RUNX2: variants seen among roughly 807,000 people sequenced by gnomAD.
The protein encoded by RUNX2 is RUNX family transcription factor 2.
RUNX2 carries 10 observed loss-of-function variants against 51.7 expected under a neutral mutation model. The ratio of observed to expected loss-of-function variants is 0.19; its 90% confidence interval spans 0.12 to 0.33. The LOEUF (loss-of-function observed/expected upper bound fraction) is 0.33. RUNX2 is among the 10% of genes least tolerant of loss of function. RUNX2 has a pLI of 1.00. For missense variants in RUNX2, 562 were observed against 691.3 expected (o/e 0.81, Z 2.10); for synonymous variants, 276 against 273.6 (o/e 1.01, Z -0.09).
chr6:45,522,749 A>C (rs1801546405), intron 7 of RUNX2, among the ~76,000 whole-genome samples: 1 of 152,192 alleles, frequency 6.6e-6, no homozygotes, highest in African/African-American at 2.4e-5. Context: ...CAGCATGCAT[A>C]ATGTCGTGGG....
intron 6 of RUNX2, among the ~76,000 whole-genome samples, chr6:45,507,828 A>C (rs1563116363): frequency 6.6e-6 from 1 of 152,222 alleles, no homozygotes; most frequent in Non-Finnish European, 1.5e-5. Flanking sequence ...TGCCAGAAAA[A>C]GAGGTCAAGG....
At chr6:45,447,891 G>A (rs1563091460) in intron 5 of RUNX2, among the ~76,000 whole-genome samples, 1 of 152,154 alleles carries the variant, frequency 6.6e-6, no homozygotes, top group Non-Finnish European at 1.5e-5. Context: ...TGTGTTAGCT[G>A]CTGCCAACAT....
intron 7 of RUNX2, among the ~76,000 whole-genome samples, chr6:45,519,790 ATGTG>A (rs35210688): frequency 0.12 from 14,682 of 123,386 alleles, 887 homozygotes; most frequent in Non-Finnish European, 0.14. Flanking sequence ...ATATATATAT[ATGTG>A]TGTGTGTGTG....
At chr6:45,411,393 G>A (rs1797947648) in intron 2 of RUNX2, among the ~76,000 whole-genome samples, 1 of 151,870 alleles carries the variant, frequency 6.6e-6, no homozygotes, top group Admixed American at 6.6e-5. Flanking sequence ...TTTTAACACT[G>A]ACAATAAGAA....
At chr6:45,529,984 G>C (rs1393523138) in intron 7 of RUNX2, among the ~76,000 whole-genome samples, 1 of 152,198 alleles carries the variant, frequency 6.6e-6, no homozygotes, top group African/African-American at 2.4e-5. Context: ...GCACAGGTGG[G>C]TTAGGAGATA....
At chr6:45,432,636 G>T (rs1798573556) in intron 4 of RUNX2, among the ~76,000 whole-genome samples, 3 of 152,248 alleles carry the variant, frequency 2.0e-5, no homozygotes, top group African/African-American at 7.2e-5. Flanking sequence ...TCCATACTAT[G>T]TAAGGATTCC....
chr6:45,481,203 A>G (rs1800103448), intron 5 of RUNX2, among the ~76,000 whole-genome samples: 1 of 152,226 alleles, frequency 6.6e-6, no homozygotes, highest in Non-Finnish European at 1.5e-5. Context: ...AAATTGAGCC[A>G]GGATCCAGGA....
At chr6:45,424,186 A>G (rs1342999816) in intron 3 of RUNX2, among the ~76,000 whole-genome samples, 1 of 152,086 alleles carries the variant, frequency 6.6e-6, no homozygotes, top group Non-Finnish European at 1.5e-5. Context: ...AGTCGCAGGC[A>G]GGTGCTCCGC....
At chr6:45,375,233 T>C (rs1376981403) in intron 2 of RUNX2, among the ~76,000 whole-genome samples, 1 of 152,130 alleles carries the variant, frequency 6.6e-6, no homozygotes, top group Non-Finnish European at 1.5e-5. Context: ...TTTCTGATAT[T>C]GCAATGTGGT....
chr6:45,354,630 TACACACACACACACAC>T (rs35189031), intron 2 of RUNX2, among the ~76,000 whole-genome samples: 1 of 149,812 alleles, frequency 6.7e-6, no homozygotes, highest in African/African-American at 2.5e-5. Context: ...CACGCACACA[TACACACACACACACAC>T]ACACACAGTC....
At chr6:45,423,032 G>T (rs1012321362) in intron 3 of RUNX2, 75 bp downstream of exon 3, 9 of 1,564,716 alleles carry the variant, frequency 5.8e-6, no homozygotes, top group South Asian at 2.3e-5. Context: ...CTGCCCACGG[G>T]GCTGGGCCCC....
chr6:45,349,071 C>T (rs1014120232), intron 2 of RUNX2, among the ~76,000 whole-genome samples: 6 of 152,038 alleles, frequency 3.9e-5, no homozygotes, highest in Non-Finnish European at 7.4e-5. Flanking sequence ...TCTGTCATTA[C>T]GTAAATCAGT....
intron 5 of RUNX2, among the ~76,000 whole-genome samples, chr6:45,467,612 CGCCCCCAGCCACTCATCT>C (rs1799672247): frequency 6.6e-6 from 1 of 152,030 alleles, no homozygotes; most frequent in African/African-American, 2.4e-5. Context: ...CCACCCCCAC[CGCCCCCAGCCACTCATCT>C]ACCTCCTACA....
At chr6:45,541,040 G>A (rs1802208778) in intron 7 of RUNX2, among the ~76,000 whole-genome samples, 1 of 152,198 alleles carries the variant, frequency 6.6e-6, no homozygotes, top group Non-Finnish European at 1.5e-5. Context: ...TAGGTTTGAT[G>A]TCAGCATTGC....
chr6:45,458,149 C>G (rs1799372040), intron 5 of RUNX2, among the ~76,000 whole-genome samples: 1 of 151,966 alleles, frequency 6.6e-6, no homozygotes, highest in South Asian at 2.1e-4. Flanking sequence ...GCCTCAGCCT[C>G]CTGAGTAGCT....
At position 45,432,170 on chromosome 6, in the gene RUNX2, G is replaced by A. The variant is rs1320391478; in HGVS notation, c.580+151G>A. On this transcript the variant is annotated intron_variant, in intron 4 of 8. Transcript: ENST00000647337. ...TAAATACATCCAGATGAAGTTGAGT[G>A]TTTTTCTGAGTACTCAGGCCTTTTT... 12 of 783,166 alleles carry A rather than the reference G, an allele frequency of 1.5e-5. No homozygotes were observed. The African/African-American group carries it at 1.7e-4, about 11-fold the overall frequency. 48.5% of individuals were successfully genotyped at this position (783,166 alleles called of 1,614,324 possible).
intron 2 of RUNX2, among the ~76,000 whole-genome samples, chr6:45,331,149 G>C (rs1029054042): frequency 6.6e-6 from 1 of 151,884 alleles, no homozygotes; most frequent in Non-Finnish European, 1.5e-5. Context: ...GCACATGCTA[G>C]AGAAAGAGTA....
intron 5 of RUNX2, among the ~76,000 whole-genome samples, chr6:45,453,117 C>T (rs144033773): frequency 6.6e-6 from 1 of 152,106 alleles, no homozygotes; most frequent in East Asian, 1.9e-4. Flanking sequence ...ACCCCTCCCC[C>T]CAAGATGATT....
chr6:45,385,764 G>T (rs1797334750), intron 2 of RUNX2, among the ~76,000 whole-genome samples: 1 of 152,116 alleles, frequency 6.6e-6, no homozygotes, highest in Non-Finnish European at 1.5e-5. Flanking sequence ...GCTGGGCATG[G>T]TTGTGCATGC....
Sources: gnomAD v4.1 joint callset for allele counts (sites outside exome capture counted in the v4.1 genomes callset) on GRCh38, gnomAD v4.1.1 for gene constraint, MANE v1.5 for transcripts, NCBI Gene and HGNC (gene_info 2026-07-23, HGNC 2026-07-21) for gene names.